The following ST8SIA2 variants were observed in gnomAD, a reference collection of about 807,000 sequenced individuals.
The protein encoded by ST8SIA2 is ST8 alpha-N-acetyl-neuraminide alpha-2,8-sialyltransferase 2.
ST8SIA2 carries 22 observed loss-of-function variants against 37.6 expected under a neutral mutation model. The ratio of observed to expected loss-of-function variants is 0.58; its 90% CI spans 0.42 to 0.83. The LOEUF (loss-of-function observed/expected upper bound fraction) is 0.83, where lower values mean the gene tolerates loss of function less well. ST8SIA2 is among the 40% of genes least tolerant of loss of function. The pLI is 0.00. For synonymous variants in ST8SIA2, 205 were observed against 201.2 expected, an observed-to-expected ratio of 1.02 and a Z score of -0.16; for missense variants, 382 against 484.7, an observed-to-expected ratio of 0.79 and a Z score of 1.99.
intron 1 of ST8SIA2, among the ~76,000 whole-genome samples, chr15:92,415,145 C>A (rs768857859): frequency 5.3e-5 from 8 of 152,136 alleles, no homozygotes; most frequent in Non-Finnish European, 1.0e-4. Context: ...GCCCAGGAAG[C>A]AGCCTCATCA....
intron 1 of ST8SIA2, among the ~76,000 whole-genome samples, chr15:92,417,855 T>G (rs77534249): frequency 6.6e-6 from 1 of 152,180 alleles, no homozygotes; most frequent in Admixed American, 6.5e-5. Context: ...CTTATCCTTA[T>G]AGTGTAATGT....
chr15:92,411,278 G>C (rs1430720170), intron 1 of ST8SIA2, among the ~76,000 whole-genome samples: 1 of 152,196 alleles, frequency 6.6e-6, no homozygotes, highest in African/African-American at 2.4e-5. Context: ...GAAGTGCTTT[G>C]ACCAAAGGTA....
chr15:92,419,083 G>C (rs998868894), intron 1 of ST8SIA2, among the ~76,000 whole-genome samples: 1 of 152,136 alleles, frequency 6.6e-6, no homozygotes, highest in African/African-American at 2.4e-5. Flanking sequence ...CCAGGCAGAA[G>C]GTGGGAACCA....
intron 4 of ST8SIA2, among the ~76,000 whole-genome samples, 176 bp downstream of exon 4, chr15:92,438,786 A>C (rs1439965173): frequency 6.6e-6 from 1 of 152,232 alleles, no homozygotes. Context: ...AATGTCCAGA[A>C]TGTACCTCAA....
chr15:92,454,915 C>T (rs1337325711), intron 5 of ST8SIA2, among the ~76,000 whole-genome samples: 4 of 152,046 alleles, frequency 2.6e-5, no homozygotes, highest in Non-Finnish European at 5.9e-5. Flanking sequence ...AGACGGTGGC[C>T]CCTCAGGCAG....
intron 1 of ST8SIA2, among the ~76,000 whole-genome samples, chr15:92,407,172 A>G (rs1161559851): frequency 1.3e-5 from 2 of 151,964 alleles, no homozygotes; most frequent in East Asian, 1.9e-4. Flanking sequence ...ACTGAGACTC[A>G]GATAGAGTGA....
At position 92,464,370 on chromosome 15, in the gene ST8SIA2, C is replaced by G; in HGVS notation, c.1113C>G (p.Cys371Trp). 6.2e-7 allele frequency: 1 copy of G among 1,613,748 alleles called. No individual in the cohort carries two copies. The highest frequency in any genetic ancestry group is 8.5e-7 in the Non-Finnish European group (1 of 1,180,032). ...CTTTGAAACTGACTGTCGGCCAGTG[C>G]GATGGGGCCACGTAGGGTGGGCACC... is the stretch of plus-strand genomic sequence containing the variant. ...QGALKLTVGQ[C>W]DGAT is the part of the protein sequence containing the mutation. Residue 371 changes from cysteine (C) to tryptophan (W), a missense_variant, in exon 6 of 6, where the codon TGC (cysteine) becomes TGG (tryptophan). Physicochemically the swap from Cys to Trp is radical, Grantham distance 215. Transcript: ENST00000268164.
intron 3 of ST8SIA2, among the ~76,000 whole-genome samples, chr15:92,437,348 G>C (rs946650203): frequency 1.3e-5 from 2 of 152,174 alleles, no homozygotes; most frequent in African/African-American, 4.8e-5. Flanking sequence ...TTGGCAGAAG[G>C]CTGTGTGTTT....
rs945141921 is a variant in ST8SIA2 at position 92,429,815 on chromosome 15, T to C, written c.99-234T>C. Among the ~76,000 whole-genome samples, 40 of 152,166 alleles carry C rather than the reference T, an allele frequency of 2.6e-4. 1 individual carries two copies. The highest frequency in any genetic ancestry group is 2.1e-4 in the South Asian group (1 of 4,828). ...AAGTGAGAACCTGGCTACTTACTAA[T>C]TGGAACAATATTCAAGTGGGGAGAG... On this transcript the variant is annotated intron_variant, in intron 1 of 5. Transcript: ENST00000268164.
intron 1 of ST8SIA2, among the ~76,000 whole-genome samples, chr15:92,418,821 G>A (rs1179770870): frequency 6.6e-6 from 1 of 152,174 alleles, no homozygotes; most frequent in Admixed American, 6.5e-5. Flanking sequence ...TCTGCCAGGG[G>A]AACAGTAGGA....
intron 1 of ST8SIA2, among the ~76,000 whole-genome samples, chr15:92,405,554 G>C (rs1473954028): frequency 7.4e-6 from 1 of 135,620 alleles, no homozygotes; most frequent in Non-Finnish European, 1.7e-5. Context: ...AGGTGCTCGG[G>C]ACACACTGAC....
At chr15:92,454,758 G>A (rs1567224458) in intron 5 of ST8SIA2, among the ~76,000 whole-genome samples, 3 of 152,120 alleles carry the variant, frequency 2.0e-5, no homozygotes, top group African/African-American at 7.2e-5. Flanking sequence ...GCTGGCCTGT[G>A]GGGTGGCACG....
chr15:92,434,660 A>T (rs1428039525), intron 3 of ST8SIA2, among the ~76,000 whole-genome samples: 1 of 152,214 alleles, frequency 6.6e-6, no homozygotes, highest in Non-Finnish European at 1.5e-5. Flanking sequence ...AGCAGAGGGA[A>T]TCTGGGCAGT....
intron 3 of ST8SIA2, among the ~76,000 whole-genome samples, chr15:92,435,335 A>G (rs2049748583): frequency 6.6e-6 from 1 of 152,152 alleles, no homozygotes. Flanking sequence ...GTGGGTTTTG[A>G]AGGATAATTA....
intron 1 of ST8SIA2, among the ~76,000 whole-genome samples, chr15:92,425,923 T>C (rs958598127): frequency 5.9e-5 from 9 of 152,044 alleles, no homozygotes; most frequent in African/African-American, 2.2e-4. Flanking sequence ...AGTCGTTTGC[T>C]GTCTCTAGAA....
intron 5 of ST8SIA2, 67 bp downstream of exon 5, chr15:92,444,996 C>G: frequency 6.3e-7 from 1 of 1,593,760 alleles, no homozygotes; most frequent in Non-Finnish European, 8.5e-7. Flanking sequence ...TAGGCAGTAT[C>G]CCTTTCCCAG....
chr15:92,438,678 C>G, intron 4 of ST8SIA2, 68 bp downstream of exon 4: 1 of 1,494,926 alleles, frequency 6.7e-7, no homozygotes, highest in East Asian at 2.4e-5. Context: ...GGAGCATTGC[C>G]AGCTGTCCCA....
chr15:92,394,070 G>T lies in ST8SIA2; in HGVS notation c.6G>T (p.Gln2His), dbSNP rs1264452343. Residue 2 changes from glutamine to histidine, a missense_variant, in exon 1 of 6, where the codon CAG becomes CAT. By Grantham distance (24) the Gln-to-His change is conservative. Transcript: ENST00000268164. ...CCGGCGGGCGCGAACCCACCATGCA[G>T]CTGCAGTTCCGGAGCTGGATGCTGG... Reference protein sequence around the residue: MQLQFRSWMLAA... With the variant: MHLQFRSWMLAA... 1 of 1,552,050 alleles carries T rather than the reference G, an allele frequency of 6.4e-7. No homozygotes were observed. The highest frequency in any genetic ancestry group is 1.2e-5 in the South Asian group (1 of 84,102).
chr15:92,419,265 A>G (rs1379209193), intron 1 of ST8SIA2, among the ~76,000 whole-genome samples: 1 of 152,232 alleles, frequency 6.6e-6, no homozygotes, highest in Admixed American at 6.5e-5. Context: ...CAGAAGAAGC[A>G]GGGGGTGGAG....
Sources: gnomAD v4.1 joint callset for allele counts (sites outside exome capture counted in the v4.1 genomes callset) on GRCh38, gnomAD v4.1.1 for gene constraint, MANE v1.5 for transcripts, NCBI Gene and HGNC (gene_info 2026-07-23, HGNC 2026-07-21) for gene names.